DNMT3A: variants seen among roughly 807,000 people sequenced by gnomAD.
The protein encoded by DNMT3A is DNA methyltransferase 3 alpha, also known as DNA (cytosine-5)-methyltransferase 3A.
DNMT3A carries 267 observed loss-of-function variants against 117.6 expected under a neutral mutation model. The ratio of observed to expected loss-of-function variants is 2.27; its 90% CI spans 2.05 to 2.51. The LOEUF (loss-of-function observed/expected upper bound fraction) is 2.51. Among genes scored for constraint, DNMT3A ranks in the 30% most tolerant of loss-of-function variants. The pLI is 0.00. For synonymous variants in DNMT3A, 432 were observed against 474.8 expected (o/e 0.91, Z 1.17); for missense variants, 1,029 against 1,260.2 (o/e 0.82, Z 2.78).
chr2:25,334,381 C>T (rs866747761), intron 1 of DNMT3A, among the ~76,000 whole-genome samples: 1 of 152,212 alleles, frequency 6.6e-6, no homozygotes, highest in Non-Finnish European at 1.5e-5. Context: ...CCTAGACACC[C>T]CTTCTACCCC....
intron 10 of DNMT3A, 122 bp from the exon 11 acceptor site, chr2:25,246,431 TAC>T (rs1674780664): frequency 6.9e-7 from 1 of 1,447,642 alleles, no homozygotes; most frequent in African/African-American, 1.4e-5. Flanking sequence ...CTCCCAACTC[TAC>T]GGTTCTAGCC....
At chr2:25,324,336 A>T (rs537429500) in intron 1 of DNMT3A, among the ~76,000 whole-genome samples, 12 of 152,234 alleles carry the variant, frequency 7.9e-5, no homozygotes, top group Admixed American at 2.0e-4. Context: ...GAGGTTTAAT[A>T]CCTCTCTAGG....
chr2:25,239,674 T>C (rs1473171584), intron 19 of DNMT3A, among the ~76,000 whole-genome samples: 3 of 152,136 alleles, frequency 2.0e-5, no homozygotes, highest in Non-Finnish European at 4.4e-5. Flanking sequence ...CCATGAGCCC[T>C]GATTAGAACT....
At chr2:25,317,809 C>A (rs1240539580) in intron 1 of DNMT3A, among the ~76,000 whole-genome samples, 1 of 152,236 alleles carries the variant, frequency 6.6e-6, no homozygotes, top group Non-Finnish European at 1.5e-5. Context: ...GATCTCGGCT[C>A]ACCGCAACCT....
chr2:25,310,718 A>C (rs2034066259), intron 2 of DNMT3A, among the ~76,000 whole-genome samples: 1 of 152,230 alleles, frequency 6.6e-6, no homozygotes, highest in South Asian at 2.1e-4. Flanking sequence ...ACATGGAAGA[A>C]AAGGGCCGTG....
rs1274206665 is a variant in DNMT3A at position 25,252,439 on chromosome 2, C to G, written c.640-4187G>C. The G allele has an allele frequency of 4.8e-6, 2 of 415,000 alleles. No homozygotes were observed. Among genetic ancestry groups the G allele is most frequent in the African/African-American group, 4.2e-5 (2 of 48,150 alleles). 25.7% of individuals were successfully genotyped at this position (415,000 alleles called of 1,614,324 possible). On this transcript the variant is annotated intron_variant, in intron 6 of 22. Transcript: ENST00000321117. This position sits in a 1 kb window ranked among gnomAD's most constrained non-coding sequence, Gnocchi z 5.5. The stretch of plus-strand genomic sequence containing the variant: ...GCTGCGAGCGGCCCGGGGAGGGGGC[C>G]GGCGCTCCGACGCTGGCGCTGGGCC...
chr2:25,332,269 A>G (rs1000755540), intron 1 of DNMT3A, among the ~76,000 whole-genome samples: 7 of 152,214 alleles, frequency 4.6e-5, no homozygotes, highest in South Asian at 2.1e-4. Context: ...CTGCAGCCAC[A>G]TGGGGCCAGA....
Position 25,282,193 on chromosome 2 carries a change from T to C in DNMT3A, c.448+248A>G, listed in dbSNP as rs2031931012. 3 of 1,247,862 alleles carry C rather than the reference T, an allele frequency of 2.4e-6. No homozygotes were observed. The highest frequency in any genetic ancestry group is 1.6e-5 in the African/African-American group (1 of 63,978). 77.3% of individuals were successfully genotyped at this position (1,247,862 alleles called of 1,614,324 possible). On this transcript the variant is annotated intron_variant, in intron 4 of 22. Coordinates refer to ENST00000321117, the MANE Select transcript of DNMT3A (RefSeq NM_022552.5). This position sits in a 1 kb window ranked among gnomAD's most constrained non-coding sequence, Gnocchi z 5.2. ...ATGAGAAGCCAAAACTCCAGATTTT[T>C]ATGTGAAATTTTTTGATTTTTAAAT...
intron 17 of DNMT3A, among the ~76,000 whole-genome samples, chr2:25,241,099 C>A (rs1478536989): frequency 6.6e-6 from 1 of 152,158 alleles, no homozygotes; most frequent in Admixed American, 6.5e-5. Context: ...TCCAGAGGGC[C>A]TGTAGTCATG....
Position 25,237,080 on chromosome 2 carries a change from C to CT in DNMT3A, c.2409-76dup, listed in dbSNP as rs1190527610. 6.9e-7 allele frequency: 1 copy of CT among 1,457,454 alleles called. No individual in the cohort carries two copies. The highest frequency in any genetic ancestry group is 9.5e-7 in the Non-Finnish European group (1 of 1,055,642). The allele number at this position is 1,457,454 out of a possible 1,614,324, so 90.3% of individuals were successfully genotyped here. On this transcript the variant is annotated intron_variant, in intron 20 of 22. Coordinates refer to ENST00000321117, the MANE Select transcript of DNMT3A (RefSeq NM_022552.5). This position sits in a 1 kb window ranked among gnomAD's most constrained non-coding sequence, Gnocchi z 5.4. Reference sequence around the variant, plus strand: ...GAAGGGCCCCAGCTGCACGACTCCCCTCCCTCCCCCAGCAGCCACTAGTTC... The same window carrying CT: ...GAAGGGCCCCAGCTGCACGACTCCCCTTCCCTCCCCCAGCAGCCACTAGTTC...
chr2:25,325,068 G>A (rs1005525630), intron 1 of DNMT3A, among the ~76,000 whole-genome samples: 1 of 152,072 alleles, frequency 6.6e-6, no homozygotes, highest in African/African-American at 2.4e-5. Context: ...CCACTACGGC[G>A]GCCACATGGG....
rs1174291144 is a variant in DNMT3A, at chr2:25,243,986, A to G, written c.1852-4T>C. The G allele has an allele frequency of 1.3e-6, 2 of 1,554,496 alleles. No homozygotes were observed. The highest frequency in any genetic ancestry group is 2.4e-5 in the South Asian group (2 of 84,340). On this transcript the variant is annotated splice_polypyrimidine_tract_variant and splice_region_variant and intron_variant, in intron 15 of 22. Transcript: ENST00000321117. ...GTGGGTAAACCTTTGGAGGGTCCTAAGCAGTGAGCACAACAGGTCAGATGC... is the reference window on the plus strand; with the variant it reads ...GTGGGTAAACCTTTGGAGGGTCCTAGGCAGTGAGCACAACAGGTCAGATGC...
In DNMT3A at chr2:25,244,624, T is replaced by C; in HGVS notation, c.1583A>G (p.Tyr528Cys). Residue 528 changes from tyrosine to cysteine, a missense_variant, in exon 14 of 23, where the codon TAC becomes TGC. Tyr to Cys is a radical substitution (Grantham distance 194). Coordinates refer to ENST00000321117, the MANE Select transcript of DNMT3A (RefSeq NM_022552.5). Reference protein sequence around the residue: ...KNCFLECAYQYDDDGYQSYCT... With the variant: ...KNCFLECAYQCDDDGYQSYCT... ...GTAGGACTGGTAGCCGTCGTCGTCG[T>C]ACTGGTACGCACACTCCAGAAAGCA... 6.2e-7 allele frequency: 1 copy of C among 1,614,136 alleles called. No individual in the cohort carries two copies. Among genetic ancestry groups the C allele is most frequent in the Non-Finnish European group, 8.5e-7 (1 of 1,180,018 alleles).
Position 25,293,643 on chromosome 2 carries a change from T to C in DNMT3A, c.177+6496A>G, listed in dbSNP as rs1001207557. On this transcript the variant is annotated intron_variant, in intron 3 of 22. Transcript: ENST00000321117. The surrounding 1 kb of genome is among the most constrained non-coding windows in gnomAD (Gnocchi z 4.7). ...AGCTGCGACCACAGGTGTACCACCA[T>C]ACCCAGCTACTATTTATTATATATA... 2.0e-5 allele frequency among the ~76,000 whole-genome samples: 3 copies of C among 151,908 alleles called. No individual in the cohort carries two copies. The highest frequency in any genetic ancestry group is 7.3e-5 in the African/African-American group (3 of 41,358).
chr2:25,239,288 G>C (rs989962170), intron 19 of DNMT3A, 73 bp from the exon 20 acceptor site: 4 of 1,366,378 alleles, frequency 2.9e-6, no homozygotes, highest in Non-Finnish European at 4.1e-6. Flanking sequence ...TGCTGGGGTC[G>C]AGCCTTAAAG....
chr2:25,276,290 G>A (rs983816129), intron 4 of DNMT3A, among the ~76,000 whole-genome samples: 3 of 152,048 alleles, frequency 2.0e-5, no homozygotes, highest in African/African-American at 7.2e-5. Context: ...ATTCCAGTGT[G>A]ACCTCTGTAA....
intron 2 of DNMT3A, among the ~76,000 whole-genome samples, chr2:25,300,629 CTAAATAATATATTATTTAGATAT>C (rs2033385572): frequency 1.2e-5 from 1 of 82,080 alleles, no homozygotes; most frequent in Non-Finnish European, 2.6e-5. Flanking sequence ...ATTTAGATAT[CTAAATAATATATTATTTAGATAT>C]CTAAATAATA....
intron 2 of DNMT3A, among the ~76,000 whole-genome samples, chr2:25,309,190 C>T (rs1338039792): frequency 6.6e-6 from 1 of 152,220 alleles, no homozygotes; most frequent in Non-Finnish European, 1.5e-5. Context: ...GCCCTCCAAG[C>T]ACGGTCACTC....
chr2:25,246,432 A>T (rs1434413210), intron 10 of DNMT3A, 123 bp from the exon 11 acceptor site: 21 of 1,442,782 alleles, frequency 1.5e-5, no homozygotes, highest in African/African-American at 2.9e-5. Flanking sequence ...TCCCAACTCT[A>T]CGGTTCTAGC....
Sources: gnomAD v4.1 joint callset for allele counts (sites outside exome capture counted in the v4.1 genomes callset) on GRCh38, gnomAD v4.1.1 for gene constraint, Gnocchi (gnomAD v3.1) non-coding constraint, MANE v1.5 for transcripts, NCBI Gene and HGNC (gene_info 2026-07-23, HGNC 2026-07-21) for gene names.